APAF1: variants seen among roughly 807,000 people sequenced by gnomAD.
APAF1 encodes the protein apoptotic peptidase activating factor 1.
APAF1 carries 91 observed loss-of-function variants against 152.4 expected under a neutral mutation model. The ratio of observed to expected loss-of-function variants is 0.60; its 90% confidence interval spans 0.50 to 0.71. The LOEUF is 0.71. APAF1 is among the 30% of genes least tolerant of loss of function. The pLI, the probability that APAF1 is intolerant of heterozygous loss-of-function variation, is 0.00. For synonymous variants in APAF1, 484 were observed against 494.1 expected, an observed-to-expected ratio of 0.98 and a Z score of 0.27; for missense variants, 1,283 against 1,472.0, an observed-to-expected ratio of 0.87 and a Z score of 2.10.
At chr12:98,695,752 A>G (rs1237536369) in intron 16 of APAF1, among the ~76,000 whole-genome samples, 1 of 152,164 alleles carries the variant, frequency 6.6e-6, no homozygotes, top group Non-Finnish European at 1.5e-5. Context: ...ATTTCAATGG[A>G]CTTTTAAAGA....
chr12:98,646,555 C>T (rs375777430), intron 1 of APAF1, among the ~76,000 whole-genome samples: 2 of 152,136 alleles, frequency 1.3e-5, no homozygotes, highest in African/African-American at 4.8e-5. Context: ...CATTCCCACT[C>T]TCTCTCTCTT....
At chr12:98,681,821 G>A (rs1050934076) in intron 14 of APAF1, among the ~76,000 whole-genome samples, 8 of 152,152 alleles carry the variant, frequency 5.3e-5, no homozygotes, top group Admixed American at 1.3e-4. Context: ...TAAGCCAGAG[G>A]TAGAAATACC....
In APAF1 at chr12:98,708,607, G is replaced by A; in HGVS notation, c.2744G>A (p.Cys915Tyr). 6.2e-7 allele frequency: 1 copy of A among 1,613,520 alleles called. No individual in the cohort carries two copies. Among genetic ancestry groups the A allele is most frequent in the Non-Finnish European group, 8.5e-7 (1 of 1,179,668 alleles). ...CAGCTCTGGGAGACAAAGAAAGTAT[G>A]TAAGAACTCTGCTGTAATGTTAAAG... is the stretch of plus-strand genomic sequence containing the variant. ...TIRLWETKKV[C>Y]KNSAVMLKQE... The change falls in exon 20 of 27, where the codon TGT (cysteine) becomes TAT (tyrosine). Residue 915 changes from cysteine to tyrosine, a missense_variant. Physicochemically the swap from Cys to Tyr is radical, Grantham distance 194 (BLOSUM62 -2). Coordinates refer to ENST00000551964, the MANE Select transcript of APAF1 (RefSeq NM_181861.2).
rs1401400045 is a variant in APAF1 at position 98,735,362 on chromosome 12, G to C, written c.*2796G>C. The C allele has an allele frequency of 2.3e-6, 1 of 426,366 alleles. No individual in the cohort carries two copies. The highest frequency in any genetic ancestry group is 7.5e-5 in the South Asian group (1 of 13,318). The allele number at this position is 426,366 out of a possible 1,614,324, so 26.4% of individuals were successfully genotyped here. On this transcript the variant is annotated 3_prime_UTR_variant, in exon 27 of 27. Transcript: ENST00000551964. ...ATAGCTTATATGATTTTTTTGCCTT[G>C]GTATACATTTTAAAATATGAATTTA...
At chr12:98,656,246 C>T (rs756609234) in intron 4 of APAF1, among the ~76,000 whole-genome samples, 10 of 152,154 alleles carry the variant, frequency 6.6e-5, no homozygotes, top group Non-Finnish European at 1.5e-4. Flanking sequence ...TAGAGATAAT[C>T]TTGGTTAACA....
rs191699859 is a variant in APAF1, at chr12:98,701,329, A to G, written c.2466+1760A>G. The stretch of plus-strand genomic sequence containing the variant: ...GTGAATAATGCTGCAGCATTGGTGT[A>G]CAAGTATCTATTTGAGCCTTGTGTG... On this transcript the variant is annotated intron_variant, in intron 17 of 26. Transcript: ENST00000551964. Among the ~76,000 whole-genome samples the G allele has an allele frequency of 2.0e-5, 3 of 152,250 alleles. No individual in the cohort carries two copies. In the East Asian group the frequency reaches 5.8e-4, roughly 29 times the overall value.
At chr12:98,647,241 C>A (rs2097642224) in intron 1 of APAF1, among the ~76,000 whole-genome samples, 1 of 146,386 alleles carries the variant, frequency 6.8e-6, no homozygotes, top group African/African-American at 2.5e-5. Flanking sequence ...CATGGTGAAA[C>A]CCCGTCTGTA....
In APAF1 at chr12:98,662,438, ATT is replaced by A; in HGVS notation, c.711-9_711-8del. 2 of 1,453,406 alleles carry A rather than the reference ATT, an allele frequency of 1.4e-6. No homozygotes were observed. Among genetic ancestry groups the A allele is most frequent in the Non-Finnish European group, 1.9e-6 (2 of 1,045,900 alleles). The allele number at this position is 1,453,406 out of a possible 1,614,324, so 90.0% of individuals were successfully genotyped here. A position where few individuals can be genotyped will look rare whatever the true frequency, so the allele number is the denominator to read the frequency against. On this transcript the variant is annotated splice_polypyrimidine_tract_variant and intron_variant, in intron 5 of 26. Coordinates refer to ENST00000551964, the MANE Select transcript of APAF1 (RefSeq NM_181861.2). ...AAGATAAGTGTCATTAGTGATTAATATTTTTTTTTTAAATTAGGTCTCTCTTG... is the reference window on the plus strand; with the variant it reads ...AAGATAAGTGTCATTAGTGATTAATATTTTTTTTAAATTAGGTCTCTCTTG...
chr12:98,648,760 T>C lies in APAF1; in HGVS notation c.273T>C (p.Ile91=). The change falls in exon 3 of 27, where the codon ATT becomes ATC. Residue 91 remains isoleucine (I), a synonymous_variant. Coordinates refer to ENST00000551964, the MANE Select transcript of APAF1 (RefSeq NM_181861.2). ...KDLAALLHDG[I]PVVSSSSGKD... is the part of the protein sequence containing the mutation. ...TTGCTGCCCTTCTCCATGATGGCATTCCTGTTGTCTCTTCTTCCAGTGGTA... is the reference window on the plus strand; with the variant it reads ...TTGCTGCCCTTCTCCATGATGGCATCCCTGTTGTCTCTTCTTCCAGTGGTA... The C allele has an allele frequency of 6.2e-7, 1 of 1,614,078 alleles. No individual in the cohort carries two copies. The highest frequency in any genetic ancestry group is 8.5e-7 in the Non-Finnish European group (1 of 1,179,974).
At chr12:98,662,406 G>A (rs2097666683) in intron 5 of APAF1, 50 bp from the exon 6 acceptor site, 3 of 1,364,208 alleles carry the variant, frequency 2.2e-6, no homozygotes, top group Non-Finnish European at 3.1e-6. Flanking sequence ...TTTTTAAAAG[G>A]AAGCTTAAGA....
At chr12:98,718,432 A>T (rs2097737541) in intron 22 of APAF1, among the ~76,000 whole-genome samples, 1 of 152,090 alleles carries the variant, frequency 6.6e-6, no homozygotes, top group South Asian at 2.1e-4. Context: ...ACAAGGTTTC[A>T]CGATGTTGGC....
intron 4 of APAF1, among the ~76,000 whole-genome samples, chr12:98,654,090 T>G (rs2097653348): frequency 6.6e-6 from 1 of 152,164 alleles, no homozygotes. Context: ...AAAGCTAAAT[T>G]GCTCCCTCTT....
chr12:98,724,968 T>C (rs2097748310), intron 24 of APAF1, among the ~76,000 whole-genome samples: 1 of 152,270 alleles, frequency 6.6e-6, no homozygotes, highest in Admixed American at 6.5e-5. Context: ...ACTTGTCACA[T>C]GCTAGTAATT....
chr12:98,706,732 A>G (rs1035746363), intron 19 of APAF1, 122 bp downstream of exon 19: 13 of 1,138,696 alleles, frequency 1.1e-5, no homozygotes, highest in Middle Eastern at 4.8e-4. Flanking sequence ...CTATATTCCT[A>G]TTCACCCTGG....
intron 4 of APAF1, 40 bp downstream of exon 4, chr12:98,649,724 T>C (rs1199989775): frequency 2.6e-6 from 4 of 1,549,696 alleles, no homozygotes; most frequent in Admixed American, 1.7e-5. Context: ...GTAAGGTAGA[T>C]AGACATGTAA....
intron 7 of APAF1, among the ~76,000 whole-genome samples, chr12:98,663,804 A>G (rs908762631): frequency 2.0e-5 from 3 of 151,410 alleles, no homozygotes; most frequent in African/African-American, 7.3e-5. Context: ...GACTACAGGC[A>G]TGTTCCACCA....
chr12:98,683,163 G>A lies in APAF1; in HGVS notation c.2067G>A (p.Gly689=), dbSNP rs746130435. 1.9e-6 allele frequency: 3 copies of A among 1,612,986 alleles called. No individual in the cohort carries two copies. In the South Asian group the frequency reaches 3.3e-5, roughly 18 times the overall value. The change falls in exon 15 of 27, where the codon GGG becomes GGA. Residue 689 remains glycine (G), a synonymous_variant. Transcript: ENST00000551964. ...TTTAGATTTGGAATTCTATGACTGG[G>A]GAACTAGTACACACCTATGATGAGC... is the stretch of plus-strand genomic sequence containing the variant. The part of the protein sequence containing the change: ...KKVKIWNSMT[G]ELVHTYDEHS...
At position 98,648,333 on chromosome 12, in the gene APAF1, C is replaced by G; in HGVS notation, c.-27C>G. On this transcript the variant is annotated 5_prime_UTR_variant, in exon 2 of 27. Coordinates refer to ENST00000551964, the MANE Select transcript of APAF1 (RefSeq NM_181861.2). ...TTTGGCTGTAGCTCATGGTTGACAG[C>G]TCAGAGAGAGAAAGATCTGAGGGAA... The G allele has an allele frequency of 6.2e-7, 1 of 1,613,852 alleles. No individual in the cohort carries two copies.
intron 16 of APAF1, among the ~76,000 whole-genome samples, chr12:98,690,636 A>G (rs575025748): frequency 2.2e-4 from 33 of 152,256 alleles, no homozygotes; most frequent in African/African-American, 7.0e-4. Flanking sequence ...TAGGCCATTT[A>G]TGTGTTGTAC....
Sources: allele counts gnomAD v4.1 joint callset (sites outside exome capture counted in the v4.1 genomes callset), GRCh38; gene constraint gnomAD v4.1.1; transcripts MANE v1.5; gene names NCBI Gene and HGNC (gene_info 2026-07-23, HGNC 2026-07-21).